The following CPNE1 variants were observed in gnomAD, a reference collection of about 807,000 sequenced individuals.
CPNE1 encodes the protein copine-1.
CPNE1 carries 58 observed loss-of-function variants against 63.2 expected under a neutral mutation model. The ratio of observed to expected loss-of-function variants is 0.92; its 90% CI spans 0.74 to 1.14. The LOEUF (loss-of-function observed/expected upper bound fraction) is 1.14, where lower values mean the gene tolerates loss of function less well. Ranked by LOEUF, CPNE1 falls within the 50% of genes most tolerant of loss-of-function variation. CPNE1 has a pLI of 0.00. For missense variants in CPNE1, 672 were observed against 661.7 expected, an observed-to-expected ratio of 1.02 and a Z score of -0.17; for synonymous variants, 237 against 249.0, an observed-to-expected ratio of 0.95 and a Z score of 0.45.
chr20:35,633,355 C>T (rs886542263), intron 1 of CPNE1, among the ~76,000 whole-genome samples: 10 of 152,220 alleles, frequency 6.6e-5, no homozygotes, highest in Admixed American at 4.6e-4. Context: ...CCAAATATAA[C>T]TATGATCCAG....
intron 6 of CPNE1, 41 bp downstream of exon 6, chr20:35,631,904 T>C: frequency 6.3e-7 from 1 of 1,577,638 alleles, no homozygotes; most frequent in Non-Finnish European, 8.7e-7. Context: ...CCCAGGAGAT[T>C]ATCTCCTACC....
chr20:35,661,106 G>T (rs190818352), intron 1 of CPNE1, among the ~76,000 whole-genome samples: 3 of 152,246 alleles, frequency 2.0e-5, no homozygotes, highest in African/African-American at 7.2e-5. Context: ...TCAGCAAAGA[G>T]GAATACCCAC....
intron 1 of CPNE1, among the ~76,000 whole-genome samples, chr20:35,662,506 G>C (rs2146384890): frequency 6.6e-6 from 1 of 152,294 alleles, no homozygotes; most frequent in East Asian, 1.9e-4. Context: ...TTAAGCACTT[G>C]TGGGCCAGAC....
chr20:35,635,730 T>C (rs1045413548), intron 1 of CPNE1, among the ~76,000 whole-genome samples: 1 of 152,204 alleles, frequency 6.6e-6, no homozygotes, highest in Non-Finnish European at 1.5e-5. Context: ...TACCCTGAGA[T>C]GCCTCCAGCG....
At chr20:35,653,671 A>G (rs1286952167) in intron 1 of CPNE1, 11 of 1,614,062 alleles carry the variant, frequency 6.8e-6, no homozygotes, top group Non-Finnish European at 5.1e-6. Flanking sequence ...GCTGAATGGA[A>G]TATTTGTTAT....
intron 1 of CPNE1, among the ~76,000 whole-genome samples, chr20:35,643,961 G>C (rs1238892634): frequency 1.3e-5 from 2 of 152,022 alleles, no homozygotes; most frequent in African/African-American, 4.8e-5. Flanking sequence ...GTTGAGGGAG[G>C]GTTTCTACCT....
chr20:35,631,400 G>A, intron 8 of CPNE1, 46 bp from the exon 9 acceptor site: 2 of 1,607,192 alleles, frequency 1.2e-6, no homozygotes, highest in Non-Finnish European at 1.7e-6. Flanking sequence ...CAGAGCATCA[G>A]TCAAGGACTC....
intron 1 of CPNE1, among the ~76,000 whole-genome samples, chr20:35,636,716 G>C (rs745887130): frequency 6.6e-6 from 1 of 152,050 alleles, no homozygotes; most frequent in Non-Finnish European, 1.5e-5. Flanking sequence ...ACTTGAACCT[G>C]GGAGTTGGAG....
chr20:35,655,480 G>A, intron 1 of CPNE1: 1 of 751,742 alleles, frequency 1.3e-6, no homozygotes, highest in Non-Finnish European at 2.1e-6. Flanking sequence ...CTTTAATTTA[G>A]ATATTCTAAA....
rs756714301 is a variant in CPNE1 at position 35,631,766 on chromosome 20, G to A, written c.549C>T (p.Asn183=). 10 of 1,613,792 alleles carry A rather than the reference G, an allele frequency of 6.2e-6. No homozygotes were observed. Among genetic ancestry groups the A allele is most frequent in the African/African-American group, 1.3e-5 (1 of 74,888 alleles). ...AACGCTTCCATGTAGGGTTCAGGTT[G>A]TTCTTGATGACCTGAAGGTGGAGGC... ...HLVYRSEVIK[N]NLNPTWKRFS... The change falls in exon 7 of 16, where the codon AAC becomes AAT. Residue 183 remains asparagine, a synonymous_variant. Coordinates refer to ENST00000397443, the MANE Select transcript of CPNE1 (RefSeq NM_152925.3).
rs200767497 is a variant in CPNE1, at chr20:35,653,054, C to T, written c.-1+11706G>A. The stretch of plus-strand genomic sequence containing the variant: ...AGACCAGGCAAACCACTGTTTCCAA[C>T]TGAAGGCATACCAGGCCTAGCATCA... On this transcript the variant is annotated intron_variant, in intron 1 of 15. Transcript: ENST00000397443. 67 of 1,613,966 alleles carry T rather than the reference C, an allele frequency of 4.2e-5. No individual in the cohort carries two copies. The Admixed American group carries it at 8.7e-4, about 21-fold the overall frequency.
intron 1 of CPNE1, among the ~76,000 whole-genome samples, chr20:35,637,009 G>T (rs1406716741): frequency 6.6e-6 from 1 of 151,976 alleles, no homozygotes; most frequent in East Asian, 1.9e-4. Flanking sequence ...ATACTGTTTT[G>T]TATTTTTTAA....
intron 1 of CPNE1, among the ~76,000 whole-genome samples, chr20:35,633,553 T>C (rs2032300420): frequency 6.6e-6 from 1 of 152,040 alleles, no homozygotes; most frequent in Non-Finnish European, 1.5e-5. Context: ...CTTACAGCAT[T>C]AGCCTCTTCA....
chr20:35,653,316 A>G (rs1385447508), intron 1 of CPNE1: 2 of 1,613,820 alleles, frequency 1.2e-6, no homozygotes, highest in South Asian at 2.2e-5. Context: ...GCAGGCCTGC[A>G]CCGGGAAGTC....
In CPNE1 at chr20:35,626,762, C is replaced by T. The variant is rs201457688; in HGVS notation, c.1278G>A (p.Thr426=). 4.1e-5 allele frequency: 66 copies of T among 1,614,126 alleles called. No individual in the cohort carries two copies. In the East Asian group the frequency reaches 1.1e-3, roughly 28 times the overall value. The change falls in exon 15 of 16, where the codon ACG becomes ACA. Residue 426 remains threonine, a synonymous_variant. Transcript: ENST00000397443. The part of the protein sequence containing the change: ...MLLLLTDGAV[T]DVEATREAVV... ...CAGCCTCACGTGTGGCTTCCACATCCGTCACAGCACCATCAGTCAGCAGCA... is the reference window on the plus strand; with the variant it reads ...CAGCCTCACGTGTGGCTTCCACATCTGTCACAGCACCATCAGTCAGCAGCA...
intron 1 of CPNE1, chr20:35,658,863 A>AT (rs2034068910): frequency 1.4e-6 from 1 of 701,632 alleles, no homozygotes; most frequent in Non-Finnish European, 2.6e-6. Context: ...ATATATTTTC[A>AT]TATTTCTTAA....
chr20:35,631,547 G>T lies in CPNE1; in HGVS notation c.659C>A (p.Ser220Ter). The T allele has an allele frequency of 6.2e-7, 1 of 1,614,008 alleles. No homozygotes were observed. Among genetic ancestry groups the T allele is most frequent in the Non-Finnish European group, 8.5e-7 (1 of 1,179,970 alleles). ...VQCSDYDSDGSHDLIGTFHTS... is the reference protein window; with the variant it reads ...VQCSDYDSDG ...GTGGAAGGTACCGATGAGATCATGTGACCCGTCACTGTCATAATCGGAGCA... is the reference window on the plus strand; with the variant it reads ...GTGGAAGGTACCGATGAGATCATGTTACCCGTCACTGTCATAATCGGAGCA... Residue 220 changes from serine to a stop codon, truncating the protein, a stop_gained, in exon 8 of 16, where the codon TCA becomes TAA. Transcript: ENST00000397443. LOFTEE classifies it high-confidence loss of function.
intron 1 of CPNE1, chr20:35,653,374 G>A: frequency 6.2e-7 from 1 of 1,614,076 alleles, no homozygotes; most frequent in Admixed American, 1.7e-5. Context: ...GGGCATTCCT[G>A]GAACTGCAGG....
chr20:35,652,466 C>G, intron 1 of CPNE1: 2 of 1,523,676 alleles, frequency 1.3e-6, no homozygotes, highest in African/African-American at 1.4e-5. Context: ...GGAAAACAAT[C>G]TGGATGCATT....
Sources: allele counts gnomAD v4.1 joint callset (sites outside exome capture counted in the v4.1 genomes callset), GRCh38; gene constraint gnomAD v4.1.1; transcripts MANE v1.5; gene names NCBI Gene and HGNC (gene_info 2026-07-23, HGNC 2026-07-21).